The following ST6GALNAC3 variants were observed in gnomAD, a reference collection of about 807,000 sequenced individuals.
The protein encoded by ST6GALNAC3 is ST6 N-acetylgalactosaminide alpha-2,6-sialyltransferase 3, also known as alpha-N-acetylgalactosaminide alpha-2,6-sialyltransferase 3.
A neutral mutation model predicts 32.7 loss-of-function variants in ST6GALNAC3; 25 were observed. That is an observed-to-expected ratio of 0.76 (90% CI 0.56 to 1.07). The LOEUF (loss-of-function observed/expected upper bound fraction) is 1.07, where lower values mean the gene tolerates loss of function less well. Among genes scored for constraint, ST6GALNAC3 ranks in the 50% least tolerant of loss-of-function variants. ST6GALNAC3 has a pLI of 0.00. For missense variants in ST6GALNAC3, 355 were observed against 382.4 expected, an observed-to-expected ratio of 0.93 and a Z score of 0.60; for synonymous variants, 129 against 133.1, an observed-to-expected ratio of 0.97 and a Z score of 0.21.
At chr1:76,113,628 A>G (rs1400052967) in intron 1 of ST6GALNAC3, among the ~76,000 whole-genome samples, 1 of 152,038 alleles carries the variant, frequency 6.6e-6, no homozygotes, top group African/African-American at 2.4e-5. Context: ...CTAGCTGTCA[A>G]CAATGGCCCC....
Position 76,097,919 on chromosome 1 carries a change from G to A in ST6GALNAC3, c.18+23035G>A, listed in dbSNP as rs1339146621. 2.0e-5 allele frequency among the ~76,000 whole-genome samples: 3 copies of A among 151,928 alleles called. No homozygotes were observed. In the East Asian group the frequency reaches 5.8e-4, roughly 29 times the overall value. ...TCTTTGGCCTTAGTAGTATAAAAAG[G>A]TTTTGTTATTTTTTTTTTTAACAAA... On this transcript the variant is annotated intron_variant, in intron 1 of 4. Transcript: ENST00000328299.
At chr1:76,232,627 G>T (rs1025313997) in intron 1 of ST6GALNAC3, among the ~76,000 whole-genome samples, 4 of 152,172 alleles carry the variant, frequency 2.6e-5, no homozygotes, top group African/African-American at 9.7e-5. Context: ...CAGATAGCGG[G>T]GCTGTTGTTG....
At chr1:76,137,500 C>T (rs1650017873) in intron 1 of ST6GALNAC3, among the ~76,000 whole-genome samples, 1 of 152,138 alleles carries the variant, frequency 6.6e-6, no homozygotes, top group Non-Finnish European at 1.5e-5. Context: ...GGGATAGAAA[C>T]AAATGCAATG....
intron 3 of ST6GALNAC3, among the ~76,000 whole-genome samples, chr1:76,426,363 T>G (rs1655384235): frequency 2.0e-5 from 3 of 151,750 alleles, no homozygotes. Flanking sequence ...TTGGGATTGT[T>G]AGTTCATTAT....
chr1:76,197,532 T>A (rs1163110690), intron 1 of ST6GALNAC3, among the ~76,000 whole-genome samples: 2 of 152,016 alleles, frequency 1.3e-5, no homozygotes, highest in Non-Finnish European at 2.9e-5. Flanking sequence ...GCTGAAAACT[T>A]AGAGGAGGCT....
At chr1:76,410,898 C>G (rs950966508) in intron 2 of ST6GALNAC3, among the ~76,000 whole-genome samples, 2 of 152,078 alleles carry the variant, frequency 1.3e-5, no homozygotes, top group African/African-American at 4.8e-5. Flanking sequence ...AGTTTACTGT[C>G]TAGTGGACAG....
chr1:76,522,614 TCCC>T (rs1662617164), intron 3 of ST6GALNAC3, among the ~76,000 whole-genome samples: 1 of 152,220 alleles, frequency 6.6e-6, no homozygotes, highest in Non-Finnish European at 1.5e-5. Context: ...TTTCTAGAAA[TCCC>T]ATCTCATTAT....
At chr1:76,225,440 T>C (rs1320044393) in intron 1 of ST6GALNAC3, among the ~76,000 whole-genome samples, 1 of 152,084 alleles carries the variant, frequency 6.6e-6, no homozygotes. Flanking sequence ...TAGCCATTAA[T>C]GAAGATGAGA....
At chr1:76,222,210 A>G (rs1655814556) in intron 1 of ST6GALNAC3, among the ~76,000 whole-genome samples, 1 of 152,178 alleles carries the variant, frequency 6.6e-6, no homozygotes, top group Non-Finnish European at 1.5e-5. Flanking sequence ...AGCCATAAGC[A>G]GAATAGTGAA....
At chr1:76,170,546 G>A (rs568243805) in intron 1 of ST6GALNAC3, among the ~76,000 whole-genome samples, 22 of 152,260 alleles carry the variant, frequency 1.4e-4, no homozygotes, top group African/African-American at 5.3e-4. Flanking sequence ...TTCATTACTG[G>A]TTTATTACTT....
intron 1 of ST6GALNAC3, among the ~76,000 whole-genome samples, chr1:76,112,553 CG>C (rs1648101000): frequency 6.6e-6 from 1 of 151,686 alleles, no homozygotes; most frequent in African/African-American, 2.4e-5. Context: ...GGGTGGCTGC[CG>C]GGCGGAGACG....
chr1:76,280,126 A>G (rs113132750), intron 1 of ST6GALNAC3, among the ~76,000 whole-genome samples: 6 of 151,002 alleles, frequency 4.0e-5, no homozygotes, highest in African/African-American at 1.5e-4. Context: ...GCTTCACTTC[A>G]TTCTCCCTGT....
At chr1:76,290,372 A>T (rs919669090) in intron 1 of ST6GALNAC3, among the ~76,000 whole-genome samples, 3 of 152,224 alleles carry the variant, frequency 2.0e-5, no homozygotes, top group Non-Finnish European at 4.4e-5. Context: ...TGGTTCCATA[A>T]TAAAACATTC....
At chr1:76,358,143 A>G (rs998990511) in intron 2 of ST6GALNAC3, among the ~76,000 whole-genome samples, 2 of 151,956 alleles carry the variant, frequency 1.3e-5, no homozygotes, top group East Asian at 1.9e-4. Context: ...TTTTGCCCCT[A>G]TCGAATCTTT....
At chr1:76,089,775 G>A (rs1035546486) in intron 1 of ST6GALNAC3, among the ~76,000 whole-genome samples, 5 of 152,160 alleles carry the variant, frequency 3.3e-5, no homozygotes, top group Non-Finnish European at 5.9e-5. Flanking sequence ...TTCCCTCAGA[G>A]TCACTATATA....
rs138986165 is a variant in ST6GALNAC3, at chr1:76,389,011, C to CTTTTTTTTTTTT, written c.214-22997_214-22996insTTTTTTTTTTTT. ...GGTGTGGTTGTTAGTTGGTATATTT[C>CTTTTTTTTTTTT]CTTTTTTTTTTTTTTTTGAGACAGA... On this transcript the variant is annotated intron_variant, in intron 2 of 4. Coordinates refer to ENST00000328299, the MANE Select transcript of ST6GALNAC3 (RefSeq NM_152996.4). 5.9e-3 allele frequency among the ~76,000 whole-genome samples: 631 copies of CTTTTTTTTTTTT among 107,674 alleles called. 60 individuals carry two copies. The highest frequency in any genetic ancestry group is 0.012 in the Middle Eastern group (2 of 170). The allele number at this position is 107,674 out of a possible 152,430, so 70.6% of individuals were successfully genotyped here. A position where few individuals can be genotyped will look rare whatever the true frequency, so the allele number is the denominator to read the frequency against.
At chr1:76,238,615 A>G (rs756262993) in intron 1 of ST6GALNAC3, among the ~76,000 whole-genome samples, 7 of 152,130 alleles carry the variant, frequency 4.6e-5, no homozygotes, top group Non-Finnish European at 7.4e-5. Context: ...CTCTGTAGAC[A>G]ATAGGCAGAG....
At chr1:76,150,489 A>G (rs943612152) in intron 1 of ST6GALNAC3, among the ~76,000 whole-genome samples, 26 of 152,092 alleles carry the variant, frequency 1.7e-4, no homozygotes, top group Non-Finnish European at 4.4e-5. Context: ...TTTCCTGTTG[A>G]TCATTCACAT....
chr1:76,343,337 A>G (rs1266449133), intron 2 of ST6GALNAC3, among the ~76,000 whole-genome samples: 1 of 152,206 alleles, frequency 6.6e-6, no homozygotes, highest in Non-Finnish European at 1.5e-5. Flanking sequence ...TCTTTCAGTA[A>G]CAGAACATCT....
Sources: allele counts gnomAD v4.1 joint callset (sites outside exome capture counted in the v4.1 genomes callset), GRCh38; gene constraint gnomAD v4.1.1; transcripts MANE v1.5; gene names NCBI Gene and HGNC (gene_info 2026-07-23, HGNC 2026-07-21).